The following SNTG2 variants were observed in gnomAD, a reference collection of about 807,000 sequenced individuals.
SNTG2 encodes syntrophin gamma 2, also known as gamma-2-syntrophin.
Under a neutral mutation model 70.9 loss-of-function variants are expected in SNTG2, and 74 were observed. The ratio of observed to expected loss-of-function variants is 1.04; its 90% CI spans 0.86 to 1.27. SNTG2 has a LOEUF of 1.27. Among genes scored for constraint, SNTG2 ranks in the 50% most tolerant of loss-of-function variants. The pLI, the probability that SNTG2 is intolerant of heterozygous loss-of-function variation, is 0.00. For synonymous variants in SNTG2, 278 were observed against 273.8 expected (o/e 1.02, Z -0.15); for missense variants, 717 against 690.7 (o/e 1.04, Z -0.43).
intron 1 of SNTG2, among the ~76,000 whole-genome samples, chr2:985,800 C>T (rs907970698): frequency 1.4e-4 from 21 of 152,094 alleles, no homozygotes; most frequent in Admixed American, 6.5e-4. Flanking sequence ...TTTCAGTTGG[C>T]GTAAATGTTT....
rs768979566 is a variant in SNTG2, at chr2:1,238,033, T to C, written c.849+16T>C. On this transcript the variant is annotated intron_variant, in intron 10 of 16. Coordinates refer to ENST00000308624, the MANE Select transcript of SNTG2 (RefSeq NM_018968.4). ...ACTTCAGAACGTGAGCACACGGTGT[T>C]TCTGAGTCTCTGCTGATGCTCATTC... is the stretch of plus-strand genomic sequence containing the variant. 1.4e-5 allele frequency: 22 copies of C among 1,602,656 alleles called. No homozygotes were observed. In the Admixed American group the frequency reaches 3.7e-4, roughly 27 times the overall value.
At chr2:1,333,617 A>G (rs1659645938) in intron 16 of SNTG2, among the ~76,000 whole-genome samples, 1 of 152,206 alleles carries the variant, frequency 6.6e-6, no homozygotes. Context: ...CAGAATAGAG[A>G]ACCCAGAAAC....
chr2:1,243,468 AAAG>A (rs1477611525), intron 11 of SNTG2, among the ~76,000 whole-genome samples: 1 of 152,154 alleles, frequency 6.6e-6, no homozygotes, highest in Non-Finnish European at 1.5e-5. Flanking sequence ...TCTCCTCCAA[AAAG>A]AAGGCTTGCT....
intron 11 of SNTG2, among the ~76,000 whole-genome samples, chr2:1,246,169 A>G (rs917194343): frequency 2.6e-5 from 4 of 152,220 alleles, no homozygotes; most frequent in Non-Finnish European, 5.9e-5. Flanking sequence ...TTAATGCATC[A>G]GGGGATTCGT....
rs372408791 is a variant in SNTG2, at chr2:1,145,470, C to T, written c.411+7661C>T. Among the ~76,000 whole-genome samples, 6 of 152,226 alleles carry T rather than the reference C, an allele frequency of 3.9e-5. No homozygotes were observed. The East Asian group carries it at 7.7e-4, about 20-fold the overall frequency. The stretch of plus-strand genomic sequence containing the variant: ...ATTTGATAACCTGGATAAAATGCAC[C>T]AATTCCTTAAAAAACACAATCTGCA... On this transcript the variant is annotated intron_variant, in intron 6 of 16. Transcript: ENST00000308624.
At chr2:1,351,317 A>T (rs1044825135) in intron 16 of SNTG2, among the ~76,000 whole-genome samples, 1 of 152,152 alleles carries the variant, frequency 6.6e-6, no homozygotes, top group African/African-American at 2.4e-5. Flanking sequence ...CACAAGTCAG[A>T]TGTTTTTTAA....
intron 4 of SNTG2, among the ~76,000 whole-genome samples, chr2:1,121,439 A>T (rs1297456211): frequency 6.6e-6 from 1 of 151,804 alleles, no homozygotes; most frequent in Non-Finnish European, 1.5e-5. Context: ...CAATAAAAAG[A>T]ATTAGTAAAA....
intron 6 of SNTG2, chr2:1,161,166 T>C (rs1166922393): frequency 6.6e-6 from 1 of 152,384 alleles, no homozygotes; most frequent in Admixed American, 6.5e-5. Flanking sequence ...ACGCTTGTAA[T>C]CCCAGCACTA....
intron 14 of SNTG2, among the ~76,000 whole-genome samples, chr2:1,280,837 G>A (rs944744277): frequency 6.6e-6 from 1 of 152,138 alleles, no homozygotes; most frequent in Non-Finnish European, 1.5e-5. Flanking sequence ...TAAGTGTATT[G>A]TGTAATTATA....
At chr2:1,253,381 C>T (rs1677873852) in intron 12 of SNTG2, among the ~76,000 whole-genome samples, 1 of 152,206 alleles carries the variant, frequency 6.6e-6, no homozygotes, top group Non-Finnish European at 1.5e-5. Context: ...TTCACTATTG[C>T]CAACTCCCAT....
chr2:1,133,920 T>C (rs1329863089), intron 4 of SNTG2, among the ~76,000 whole-genome samples: 1 of 151,860 alleles, frequency 6.6e-6, no homozygotes, highest in African/African-American at 2.4e-5. Flanking sequence ...ACCCTCGCGG[T>C]GAGTGTTACA....
At chr2:1,221,814 G>T (rs1354749528) in intron 9 of SNTG2, among the ~76,000 whole-genome samples, 6,368 of 6,466 alleles carry the variant, frequency 0.98, 3,142 homozygotes, top group Middle Eastern at 1. Flanking sequence ...TCTCTCTCTC[G>T]GTCTCTGTCT....
chr2:1,159,068 G>GTGTGCACGTGTGTCCGTGTGTA (rs1670091839), intron 6 of SNTG2, among the ~76,000 whole-genome samples: 1 of 151,744 alleles, frequency 6.6e-6, no homozygotes, highest in Non-Finnish European at 1.5e-5. Context: ...GTGTACCTGT[G>GTGTGCACGTGTGTCCGTGTGTA]TGTGCACGTG....
At chr2:1,265,622 C>T (rs1163981555) in intron 13 of SNTG2, among the ~76,000 whole-genome samples, 1 of 152,224 alleles carries the variant, frequency 6.6e-6, no homozygotes, top group Non-Finnish European at 1.5e-5. Context: ...TTACCTCAAA[C>T]CTGTGCCTAG....
intron 4 of SNTG2, among the ~76,000 whole-genome samples, chr2:1,114,052 A>T (rs1448803486): frequency 2.0e-5 from 3 of 151,342 alleles, no homozygotes; most frequent in African/African-American, 7.3e-5. Flanking sequence ...AGTGAGGTTT[A>T]ACCCTTACAG....
At chr2:1,066,407 A>G (rs1350437091) in intron 1 of SNTG2, among the ~76,000 whole-genome samples, 3 of 151,526 alleles carry the variant, frequency 2.0e-5, no homozygotes, top group Non-Finnish European at 4.4e-5. Context: ...CTGTTGATCA[A>G]TGCTGGCTGC....
At chr2:969,360 G>A (rs4131977) in intron 1 of SNTG2, among the ~76,000 whole-genome samples, 1 of 151,536 alleles carries the variant, frequency 6.6e-6, no homozygotes, top group Non-Finnish European at 1.5e-5. Context: ...CTTTTTTTGT[G>A]CCATATGAAT....
chr2:986,097 G>GAGAGAGAGAGAGAGAC (rs1330439864), intron 1 of SNTG2, among the ~76,000 whole-genome samples: 2 of 151,884 alleles, frequency 1.3e-5, no homozygotes, highest in African/African-American at 4.8e-5. Flanking sequence ...GAGAGAGAGA[G>GAGAGAGAGAGAGAGAC]AGAGAGAGAG....
rs1440418533 is a variant in SNTG2, at chr2:1,209,330, A to G, written c.719+100A>G. On this transcript the variant is annotated intron_variant, in intron 9 of 16. Coordinates refer to ENST00000308624, the MANE Select transcript of SNTG2 (RefSeq NM_018968.4). ...TTACTCCAGAGCGCTTGACTGTGAC[A>G]TTAGCAAGTGTGCGTGCTGTCTTCT... The G allele has an allele frequency of 9.1e-6, 13 of 1,421,126 alleles. No homozygotes were observed. In the East Asian group the frequency reaches 2.3e-4, roughly 25 times the overall value. The allele number at this position is 1,421,126 out of a possible 1,614,324, so 88.0% of individuals were successfully genotyped here.
Sources: allele counts gnomAD v4.1 joint callset (sites outside exome capture counted in the v4.1 genomes callset), GRCh38; gene constraint gnomAD v4.1.1; transcripts MANE v1.5; gene names NCBI Gene and HGNC (gene_info 2026-07-23, HGNC 2026-07-21).